EML6: variants seen among roughly 807,000 people sequenced by gnomAD.
EML6 encodes EMAP like 6, also known as echinoderm microtubule-associated protein-like 6.
Under a neutral mutation model 240.1 loss-of-function variants are expected in EML6, and 154 were observed. The ratio of observed to expected loss-of-function variants is 0.64; its 90% CI spans 0.56 to 0.73. The LOEUF is 0.73. Ranked by LOEUF, EML6 falls within the 30% of genes least tolerant of loss-of-function variation. EML6 has a pLI of 0.00. For missense variants in EML6, 2,964 were observed against 2,474.6 expected, an observed-to-expected ratio of 1.20 and a Z score of -4.20; for synonymous variants, 1,148 against 899.0, an observed-to-expected ratio of 1.28 and a Z score of -4.95.
At chr2:54,968,638 T>TTAGC in intron 40 of EML6, 30 bp from the exon 41 acceptor site, 1 of 1,359,364 alleles carries the variant, frequency 7.4e-7, no homozygotes. Flanking sequence ...CCAGGGTCTC[T>TTAGC]TAGCTGTCTC....
At chr2:54,903,582 G>A (rs1673169866) in intron 24 of EML6, 80 bp downstream of exon 24, 6 of 1,273,482 alleles carry the variant, frequency 4.7e-6, no homozygotes, top group Non-Finnish European at 4.3e-6. Context: ...AGAGAGAATG[G>A]CAGTTGAGTG....
At position 54,724,492 on chromosome 2, in the gene EML6, G is replaced by C. The variant is rs1213481041; in HGVS notation, c.-513-57G>C. Reference sequence around the variant, plus strand: ...GTTTGGGGATAATTTTCTTGGATTGGGTGACTTATGCGAAAAATCTGTTTC... The same window carrying C: ...GTTTGGGGATAATTTTCTTGGATTGCGTGACTTATGCGAAAAATCTGTTTC... On this transcript the variant is annotated intron_variant, in intron 1 of 41. Coordinates refer to ENST00000356458, the MANE Select transcript of EML6 (RefSeq NM_001039753.4). This position sits in a 1 kb window ranked among gnomAD's most constrained non-coding sequence, Gnocchi z 5.2. 1.3e-5 allele frequency: 2 copies of C among 152,080 alleles called. No individual in the cohort carries two copies. Among genetic ancestry groups the C allele is most frequent in the East Asian group, 3.9e-4 (2 of 5,178 alleles). The allele number at this position is 152,080 out of a possible 1,614,324, so 9.4% of individuals were successfully genotyped here.
chr2:54,894,432 A>C, intron 19 of EML6, among the ~76,000 whole-genome samples: 1 of 152,228 alleles, frequency 6.6e-6, no homozygotes, highest in East Asian at 1.9e-4. Context: ...TCATTATATA[A>C]AGTACCTAAG....
intron 16 of EML6, among the ~76,000 whole-genome samples, chr2:54,872,889 G>A (rs1182965959): frequency 6.6e-6 from 1 of 152,122 alleles, no homozygotes; most frequent in Non-Finnish European, 1.5e-5. Context: ...TGTTGTCATT[G>A]CTCTTATGGC....
intron 5 of EML6, among the ~76,000 whole-genome samples, chr2:54,826,095 T>C (rs1374855921): frequency 6.6e-6 from 1 of 152,230 alleles, no homozygotes; most frequent in African/African-American, 2.4e-5. Flanking sequence ...TGCCTCTGCA[T>C]TGATTCAGAG....
chr2:54,883,903 G>A (rs1190367435), intron 17 of EML6, among the ~76,000 whole-genome samples: 3 of 152,170 alleles, frequency 2.0e-5, no homozygotes, highest in Non-Finnish European at 2.9e-5. Context: ...TAACCTTGGT[G>A]TTTTTATGAC....
intron 10 of EML6, among the ~76,000 whole-genome samples, chr2:54,853,073 AT>A (rs915677156): frequency 3.3e-5 from 5 of 152,078 alleles, no homozygotes; most frequent in East Asian, 3.8e-4. Context: ...ATATTCACTA[AT>A]TTTTTTTCAT....
At chr2:54,747,647 A>G (rs1170758701) in intron 2 of EML6, among the ~76,000 whole-genome samples, 2 of 152,198 alleles carry the variant, frequency 1.3e-5, no homozygotes, top group South Asian at 4.1e-4. Flanking sequence ...AAAAAGTGGT[A>G]ATTGTAAGGG....
chr2:54,856,542 T>G (rs2103799960), intron 11 of EML6, among the ~76,000 whole-genome samples: 1 of 152,322 alleles, frequency 6.6e-6, no homozygotes, highest in Non-Finnish European at 1.5e-5. Context: ...ATGTTAAGAC[T>G]TGAGTTGCAG....
chr2:54,953,614 G>A (rs539245462), intron 31 of EML6, among the ~76,000 whole-genome samples: 13 of 152,172 alleles, frequency 8.5e-5, no homozygotes, highest in African/African-American at 2.4e-4. Context: ...TTTGCAGGCC[G>A]GGCGGCAGTG....
chr2:54,900,114 G>T (rs1372486389), intron 22 of EML6, among the ~76,000 whole-genome samples: 1 of 152,152 alleles, frequency 6.6e-6, no homozygotes, highest in African/African-American at 2.4e-5. Context: ...TATTTATTTT[G>T]TAACAGTCTC....
chr2:54,761,325 GA>G (rs753492036), intron 2 of EML6, among the ~76,000 whole-genome samples: 2 of 151,272 alleles, frequency 1.3e-5, no homozygotes, highest in Non-Finnish European at 3.0e-5. Flanking sequence ...ATGCTTAACT[GA>G]AAAAAAAGCA....
At chr2:54,775,091 T>C (rs1156983983) in intron 2 of EML6, among the ~76,000 whole-genome samples, 2 of 152,254 alleles carry the variant, frequency 1.3e-5, no homozygotes, top group Admixed American at 1.3e-4. Flanking sequence ...GCCTCTATAG[T>C]AGTCTAACTG....
intron 28 of EML6, among the ~76,000 whole-genome samples, chr2:54,936,845 T>A (rs1023741253): frequency 3.9e-5 from 6 of 152,230 alleles, no homozygotes; most frequent in African/African-American, 1.4e-4. Context: ...AGAAGCTGCA[T>A]AACTTATGGC....
intron 30 of EML6, among the ~76,000 whole-genome samples, chr2:54,952,048 A>G (rs1240624652): frequency 6.6e-6 from 1 of 152,206 alleles, no homozygotes; most frequent in Admixed American, 6.5e-5. Flanking sequence ...ATGTCGAGTT[A>G]GGGCTTTCCA....
rs2104522119 is a variant in EML6 at position 54,959,091 on chromosome 2, G to C, written c.4696-13G>C. ...GTGTGTTCCGGGTGTAGAAGATGTTGTTTTGTTTACAGAACAATCTCACTT... is the reference window on the plus strand; with the variant it reads ...GTGTGTTCCGGGTGTAGAAGATGTTCTTTTGTTTACAGAACAATCTCACTT... On this transcript the variant is annotated splice_polypyrimidine_tract_variant and intron_variant, in intron 33 of 41. Coordinates refer to ENST00000356458, the MANE Select transcript of EML6 (RefSeq NM_001039753.4). 6.5e-7 allele frequency: 1 copy of C among 1,546,678 alleles called. No homozygotes were observed. The highest frequency in any genetic ancestry group is 2.4e-5 in the East Asian group (1 of 40,826).
Position 54,928,467 on chromosome 2 carries a change from A to G in EML6, c.3830A>G (p.Lys1277Arg). The G allele has an allele frequency of 6.5e-7, 1 of 1,549,712 alleles. No homozygotes were observed. The highest frequency in any genetic ancestry group is 8.7e-7 in the Non-Finnish European group (1 of 1,145,678). ...TREFVGTQES[K>R]LVDSEESDTD... ...GAGTTTGTGGGGACCCAGGAGAGCA[A>G]GCTGGTGGACAGCGAGGAGTCAGAC... The change falls in exon 27 of 42, where the codon AAG becomes AGG. Residue 1277 changes from lysine (K) to arginine (R), a missense_variant. Lys to Arg is a conservative substitution (Grantham distance 26, BLOSUM62 2). Coordinates refer to ENST00000356458, the MANE Select transcript of EML6 (RefSeq NM_001039753.4).
chr2:54,848,290 A>G (rs1348684995), intron 9 of EML6, among the ~76,000 whole-genome samples: 1 of 152,230 alleles, frequency 6.6e-6, no homozygotes, highest in Non-Finnish European at 1.5e-5. Flanking sequence ...TTTTGTAATT[A>G]TAGAAAATAA....
chr2:54,879,687 C>A, intron 17 of EML6, 47 bp downstream of exon 17: 1 of 1,076,530 alleles, frequency 9.3e-7, no homozygotes, highest in South Asian at 1.4e-5. Flanking sequence ...TACCACGGTT[C>A]AGTAAAGGTC....
Sources: allele counts gnomAD v4.1 joint callset (sites outside exome capture counted in the v4.1 genomes callset), GRCh38; gene constraint gnomAD v4.1.1; non-coding constraint Gnocchi (gnomAD v3.1); transcripts MANE v1.5; gene names NCBI Gene and HGNC (gene_info 2026-07-23, HGNC 2026-07-21).